CCDC171: variants seen among roughly 807,000 people sequenced by gnomAD.
CCDC171 encodes the protein coiled-coil domain containing 171.
A neutral mutation model predicts 168.2 loss-of-function variants in CCDC171; 177 were observed. The observed-to-expected ratio is 1.05, with a 90% confidence interval of 0.93 to 1.19. The LOEUF (loss-of-function observed/expected upper bound fraction) is 1.19, where lower values mean the gene tolerates loss of function less well. Ranked by LOEUF, CCDC171 falls within the 50% of genes most tolerant of loss-of-function variation. The pLI, the probability that CCDC171 is intolerant of heterozygous loss-of-function variation, is 0.00. For synonymous variants in CCDC171, 687 were observed against 540.8 expected (o/e 1.27, Z -3.75); for missense variants, 1,991 against 1,539.0 (o/e 1.29, Z -4.91).
At chr9:15,886,781 C>CACACAG (rs1819471012) in intron 24 of CCDC171, 1 of 151,460 alleles carries the variant, frequency 6.6e-6, no homozygotes, top group Non-Finnish European at 1.5e-5. Context: ...CACACACACA[C>CACACAG]ACACCCAGAG....
chr9:15,822,648 G>A (rs200028920), intron 21 of CCDC171, among the ~76,000 whole-genome samples: 4 of 152,104 alleles, frequency 2.6e-5, no homozygotes. Context: ...CCATCTCACA[G>A]CAGTTAGAAT....
At chr9:15,903,774 C>G (rs1350976462) in intron 24 of CCDC171, among the ~76,000 whole-genome samples, 1 of 152,096 alleles carries the variant, frequency 6.6e-6, no homozygotes, top group African/African-American at 2.4e-5. Context: ...AGTTAAAAAC[C>G]TTGACAAAAG....
chr9:15,998,647 G>T (rs1328271), intron 3 of CCDC171, among the ~76,000 whole-genome samples: 2 of 151,922 alleles, frequency 1.3e-5, no homozygotes, highest in Non-Finnish European at 2.9e-5. Flanking sequence ...CTTCAGAAGC[G>T]GTAGTAACTA....
At chr9:15,589,462 G>A (rs1331345325) in intron 4 of CCDC171, among the ~76,000 whole-genome samples, 1 of 152,098 alleles carries the variant, frequency 6.6e-6, no homozygotes, top group Non-Finnish European at 1.5e-5. Context: ...CTTCCTAAAA[G>A]TCAGAGTCTG....
chr9:16,046,936 T>C (rs548823023), intron 1 of CCDC171, among the ~76,000 whole-genome samples: 1 of 152,248 alleles, frequency 6.6e-6, no homozygotes, highest in East Asian at 1.9e-4. Context: ...TCCCCAGGCA[T>C]CTCACTCTCC....
intron 7 of CCDC171, among the ~76,000 whole-genome samples, chr9:15,632,421 A>G (rs545635903): frequency 6.6e-6 from 1 of 152,132 alleles, no homozygotes; most frequent in Non-Finnish European, 1.5e-5. Context: ...CCCATTCACA[A>G]TTGCTTCAAA....
intron 21 of CCDC171, among the ~76,000 whole-genome samples, chr9:15,839,647 C>A (rs1480099095): frequency 6.6e-6 from 1 of 151,490 alleles, no homozygotes; most frequent in Non-Finnish European, 1.5e-5. Flanking sequence ...GTAATTTTCC[C>A]CCCTAGTGAT....
intron 25 of CCDC171, among the ~76,000 whole-genome samples, chr9:15,947,967 C>G (rs1306248364): frequency 6.7e-6 from 1 of 150,070 alleles, no homozygotes; most frequent in Non-Finnish European, 1.5e-5. Flanking sequence ...CAATGCTATC[C>G]CTCCCCGCTG....
intron 24 of CCDC171, among the ~76,000 whole-genome samples, chr9:15,917,115 G>T (rs965306450): frequency 1.3e-5 from 2 of 151,842 alleles, no homozygotes; most frequent in African/African-American, 4.8e-5. Context: ...CCTTTCTTTT[G>T]TATTAAGGAG....
intron 1 of CCDC171, among the ~76,000 whole-genome samples, chr9:15,559,154 T>C (rs950510789): frequency 3.2e-4 from 49 of 152,096 alleles, no homozygotes; most frequent in African/African-American, 1.2e-3. Flanking sequence ...TACTTCCAAC[T>C]ATGTGGTCAA....
At chr9:15,771,923 C>G (rs1206358636) in intron 18 of CCDC171, among the ~76,000 whole-genome samples, 1 of 152,098 alleles carries the variant, frequency 6.6e-6, no homozygotes, top group East Asian at 1.9e-4. Context: ...ACCTCTGCCT[C>G]CCGGGTTCAA....
intron 21 of CCDC171, among the ~76,000 whole-genome samples, chr9:15,846,271 A>G (rs943072447): frequency 4.6e-5 from 7 of 152,076 alleles, no homozygotes. Flanking sequence ...ATCCTGGTCT[A>G]TCATTTTCTC....
chr9:15,673,690 G>A (rs1356067798), intron 9 of CCDC171, among the ~76,000 whole-genome samples: 2 of 152,170 alleles, frequency 1.3e-5, no homozygotes, highest in African/African-American at 4.8e-5. Flanking sequence ...GCATCCCAGG[G>A]ATGAAGCCAA....
chr9:15,654,796 G>A (rs1482693577), intron 7 of CCDC171, among the ~76,000 whole-genome samples: 1 of 152,140 alleles, frequency 6.6e-6, no homozygotes, highest in African/African-American at 2.4e-5. Flanking sequence ...GTGTTGGAAA[G>A]TGGGTGCAGG....
intron 6 of CCDC171, among the ~76,000 whole-genome samples, chr9:15,595,013 T>C (rs1444363132): frequency 6.6e-6 from 1 of 152,162 alleles, no homozygotes. Flanking sequence ...AACCTTTCTA[T>C]AGATGTCAAA....
intron 25 of CCDC171, among the ~76,000 whole-genome samples, chr9:15,965,041 G>A (rs1475992249): frequency 6.6e-6 from 1 of 152,154 alleles, no homozygotes; most frequent in Non-Finnish European, 1.5e-5. Flanking sequence ...GGGATTACAG[G>A]CGTGAGCTAC....
chr9:15,758,869 C>A (rs1424027424), intron 18 of CCDC171, among the ~76,000 whole-genome samples: 1 of 152,172 alleles, frequency 6.6e-6, no homozygotes, highest in African/African-American at 2.4e-5. Flanking sequence ...TCATCTTCCA[C>A]CATGATTGTG....
intron 10 of CCDC171, among the ~76,000 whole-genome samples, chr9:15,694,733 C>A (rs2051080661): frequency 6.6e-6 from 1 of 152,208 alleles, no homozygotes. Context: ...TAGTCTCTGT[C>A]CAGTGCTTCC....
intron 3 of CCDC171, among the ~76,000 whole-genome samples, chr9:15,979,563 T>C (rs1052455778): frequency 6.6e-6 from 1 of 152,200 alleles, no homozygotes; most frequent in Admixed American, 6.6e-5. Context: ...GTTTTTGTCC[T>C]GTATTCTATT....
Sources: allele counts gnomAD v4.1 joint callset (sites outside exome capture counted in the v4.1 genomes callset), GRCh38; gene constraint gnomAD v4.1.1; transcripts MANE v1.5; gene names NCBI Gene and HGNC (gene_info 2026-07-23, HGNC 2026-07-21).